The following CX3CL1 variants were observed in gnomAD, a reference collection of about 807,000 sequenced individuals.
The protein encoded by CX3CL1 is C-X3-C motif chemokine ligand 1.
Under a neutral mutation model 14.1 loss-of-function variants are expected in CX3CL1, and 1 was observed. The ratio of observed to expected loss-of-function variants is 0.07; its 90% confidence interval spans 0.03 to 0.34. The LOEUF is 0.34. Ranked by LOEUF, CX3CL1 falls within the 10% of genes least tolerant of loss-of-function variation. The pLI is 0.99. For missense variants in CX3CL1, 505 were observed against 536.4 expected, an observed-to-expected ratio of 0.94 and a Z score of 0.58; for synonymous variants, 255 against 229.6, an observed-to-expected ratio of 1.11 and a Z score of -1.00.
In CX3CL1 at chr16:57,382,134, A is replaced by G; in HGVS notation, c.296A>G (p.Asn99Ser). The G allele has an allele frequency of 6.2e-7, 1 of 1,614,016 alleles. No individual in the cohort carries two copies. The highest frequency in any genetic ancestry group is 1.3e-5 in the African/African-American group (1 of 75,026). ...LDRQAAALTR[N>S]GGTFEKQIGE... ...CGCCAGGCTGCTGCCCTAACTCGAA[A>G]TGGCGGCACCTTCGAGAAGCAGATC... The change falls in exon 3 of 3, where the codon AAT becomes AGT. Residue 99 changes from asparagine (N) to serine (S), a missense_variant. Physicochemically the swap from Asn to Ser is conservative, Grantham distance 46 (BLOSUM62 1). Coordinates refer to ENST00000006053, the MANE Select transcript of CX3CL1 (RefSeq NM_002996.6). This position sits in a 1 kb window ranked among gnomAD's most constrained non-coding sequence, Gnocchi z 6.9.
At chr16:57,372,841 C>G (rs1337380324) in intron 1 of CX3CL1, among the ~76,000 whole-genome samples, 1 of 152,186 alleles carries the variant, frequency 6.6e-6, no homozygotes, top group East Asian at 1.9e-4. Flanking sequence ...CAGTTGCCAG[C>G]GACCGCCCTG....
intron 1 of CX3CL1, among the ~76,000 whole-genome samples, chr16:57,375,332 A>G (rs1362060051): frequency 6.6e-6 from 1 of 152,068 alleles, no homozygotes; most frequent in African/African-American, 2.4e-5. Context: ...TTGCTCCCCT[A>G]TGGGCCATTT....
chr16:57,375,135 A>AT (rs1475833241), intron 1 of CX3CL1, among the ~76,000 whole-genome samples: 840 of 59,482 alleles, frequency 0.014, 13 homozygotes, highest in African/African-American at 0.045. Flanking sequence ...GTGAGAGTCC[A>AT]TTTAAAAAAA....
chr16:57,380,800 G>A (rs567443274), intron 2 of CX3CL1, among the ~76,000 whole-genome samples: 3 of 152,212 alleles, frequency 2.0e-5, no homozygotes, highest in African/African-American at 7.2e-5. Context: ...CCCCAGGACT[G>A]ACTTTTGGGA....
Position 57,372,600 on chromosome 16 carries a change from G to T in CX3CL1, c.32G>T (p.Arg11Leu), listed in dbSNP as rs146188225. Reference sequence around the variant, plus strand: ...CCGATATCTCTGTCGTGGCTGCTCCGCTTGGCCACCTTCTGCCATCTGACT... The same window carrying T: ...CCGATATCTCTGTCGTGGCTGCTCCTCTTGGCCACCTTCTGCCATCTGACT... MAPISLSWLL[R>L]LATFCHLTVL... Residue 11 changes from arginine (R) to leucine (L), a missense_variant, in exon 1 of 3, where the codon CGC (arginine) becomes CTC (leucine). Arg to Leu is a moderately radical substitution (Grantham distance 102). Transcript: ENST00000006053. The T allele has an allele frequency of 1.1e-5, 18 of 1,613,272 alleles. No homozygotes were observed. The highest frequency in any genetic ancestry group is 1.4e-5 in the Non-Finnish European group (17 of 1,179,986).
In CX3CL1 at chr16:57,382,223, C is replaced by A. The variant is rs1902332140; in HGVS notation, c.385C>A (p.Pro129Thr). ...AATGGACGAGTCTGTGGTCCTGGAG[C>A]CCGAAGCCACAGGCGAAAGCAGTAG... Reference protein sequence around the residue: ...GGMDESVVLEPEATGESSSLE... With the variant: ...GGMDESVVLETEATGESSSLE... Residue 129 changes from proline to threonine, a missense_variant, in exon 3 of 3, where the codon CCC (proline) becomes ACC (threonine). By Grantham distance (38) the Pro-to-Thr change is conservative. Coordinates refer to ENST00000006053, the MANE Select transcript of CX3CL1 (RefSeq NM_002996.6). The surrounding 1 kb of genome is among the most constrained non-coding windows in gnomAD (Gnocchi z 6.9). 2.5e-6 allele frequency: 4 copies of A among 1,612,586 alleles called. No individual in the cohort carries two copies. Among genetic ancestry groups the A allele is most frequent in the Non-Finnish European group, 3.4e-6 (4 of 1,179,312 alleles).
intron 2 of CX3CL1, 37 bp from the exon 3 acceptor site, chr16:57,381,993 C>T: frequency 2.0e-6 from 3 of 1,535,224 alleles, no homozygotes; most frequent in Middle Eastern, 1.9e-4. Context: ...TTTCTGGTAT[C>T]TGGGCATAAC....
At position 57,384,974 on chromosome 16, in the gene CX3CL1, CTT is replaced by C. The variant is rs1265117518; in HGVS notation, c.*1945_*1946del. 2 of 152,218 alleles carry C rather than the reference CTT, an allele frequency of 1.3e-5. No homozygotes were observed. Among genetic ancestry groups the C allele is most frequent in the African/African-American group, 2.4e-5 (1 of 41,464 alleles). 9.4% of individuals were successfully genotyped at this position (152,218 alleles called of 1,614,324 possible). On this transcript the variant is annotated 3_prime_UTR_variant, in exon 3 of 3. Coordinates refer to ENST00000006053, the MANE Select transcript of CX3CL1 (RefSeq NM_002996.6). ...AAAGAGTAGGAAGACTTTGGAAAGA[CTT>C]TTCCAACCCTCATCACCAACGTCTG...
rs145452135 is a variant in CX3CL1 at position 57,382,864 on chromosome 16, G to T, written c.1026G>T (p.Ala342=). ...PDAQAATRRQ[A]VGLLAFLGLL... is the part of the protein sequence containing the mutation. ...CCCAGGCTGCCACCCGGAGGCAGGC[G>T]GTGGGGCTGCTGGCCTTCCTTGGCC... is the stretch of plus-strand genomic sequence containing the variant. Residue 342 remains alanine, a synonymous_variant, in exon 3 of 3, where the codon GCG becomes GCT. Transcript: ENST00000006053. This position sits in a 1 kb window ranked among gnomAD's most constrained non-coding sequence, Gnocchi z 6.9. 1.9e-6 allele frequency: 3 copies of T among 1,561,002 alleles called. No homozygotes were observed. In the Admixed American group the frequency reaches 5.5e-5, roughly 29 times the overall value.
intron 2 of CX3CL1, among the ~76,000 whole-genome samples, chr16:57,381,095 C>T (rs1333078002): frequency 1.3e-5 from 2 of 152,204 alleles, no homozygotes; most frequent in Non-Finnish European, 2.9e-5. Context: ...GTCATACTTG[C>T]TTCCTGGACT....
chr16:57,380,650 C>A (rs1269058173), intron 2 of CX3CL1, among the ~76,000 whole-genome samples: 2 of 104,908 alleles, frequency 1.9e-5, no homozygotes, highest in Non-Finnish European at 5.0e-5. Context: ...ATTGGACAGA[C>A]AGGAAACGAC....
At chr16:57,379,863 C>A in intron 2 of CX3CL1, 109 bp downstream of exon 2, 1 of 1,324,838 alleles carries the variant, frequency 7.5e-7, no homozygotes, top group Non-Finnish European at 1.1e-6. Flanking sequence ...GGCTCCCAGC[C>A]AAAGGCCTCA....
intron 2 of CX3CL1, 92 bp from the exon 3 acceptor site, chr16:57,381,938 C>T: frequency 7.2e-7 from 1 of 1,381,358 alleles, no homozygotes. Flanking sequence ...GGTGTGTTCA[C>T]CTGCAGAGTA....
rs1361902976 is a variant in CX3CL1, at chr16:57,384,508, C to G, written c.*1476C>G. ...GGGTCCCTGGTGGCAGCTCACCTCTCCCTTGGATTGTCCCCGACCCTTGCC... is the reference window on the plus strand; with the variant it reads ...GGGTCCCTGGTGGCAGCTCACCTCTGCCTTGGATTGTCCCCGACCCTTGCC... On this transcript the variant is annotated 3_prime_UTR_variant, in exon 3 of 3. Transcript: ENST00000006053. The G allele has an allele frequency of 6.6e-6, 1 of 152,422 alleles. No individual in the cohort carries two copies. Among genetic ancestry groups the G allele is most frequent in the Non-Finnish European group, 1.5e-5 (1 of 68,222 alleles). 9.4% of individuals were successfully genotyped at this position (152,422 alleles called of 1,614,324 possible).
chr16:57,374,900 G>A (rs963053752), intron 1 of CX3CL1, among the ~76,000 whole-genome samples: 17 of 152,186 alleles, frequency 1.1e-4, no homozygotes, highest in African/African-American at 4.1e-4. Flanking sequence ...CAGCACATTG[G>A]GAGGCCAAGG....
chr16:57,382,696 C>G lies in CX3CL1; in HGVS notation c.858C>G (p.Val286=). The change falls in exon 3 of 3, where the codon GTC becomes GTG. Residue 286 remains valine (V), a synonymous_variant. Coordinates refer to ENST00000006053, the MANE Select transcript of CX3CL1 (RefSeq NM_002996.6). The surrounding 1 kb of genome is among the most constrained non-coding windows in gnomAD (Gnocchi z 6.9). The part of the protein sequence containing the change: ...QDWGPGSMAH[V]SVVPVSSEGT... ...GGGGGCCTGGCAGCATGGCCCACGT[C>G]TCTGTGGTCCCTGTCTCCTCAGAAG... 2 of 1,612,804 alleles carry G rather than the reference C, an allele frequency of 1.2e-6. 1 individual carries two copies. Among genetic ancestry groups the G allele is most frequent in the Middle Eastern group, 3.3e-4 (2 of 6,054 alleles).
intron 2 of CX3CL1, among the ~76,000 whole-genome samples, chr16:57,381,528 T>C (rs563766506): frequency 6.6e-6 from 1 of 152,032 alleles, no homozygotes; most frequent in Non-Finnish European, 1.5e-5. Context: ...GGAGGCCCCA[T>C]ACAGAGCTCA....
At chr16:57,381,229 A>C in intron 2 of CX3CL1, among the ~76,000 whole-genome samples, 1 of 152,176 alleles carries the variant, frequency 6.6e-6, no homozygotes. Flanking sequence ...TAAGGTTTAG[A>C]CATGGGCAAA....
At chr16:57,376,379 G>C (rs1008661050) in intron 1 of CX3CL1, among the ~76,000 whole-genome samples, 1 of 152,226 alleles carries the variant, frequency 6.6e-6, no homozygotes, top group Non-Finnish European at 1.5e-5. Flanking sequence ...AAGGATAAGA[G>C]GGCCTGAGAT....
Sources: allele counts gnomAD v4.1 joint callset (sites outside exome capture counted in the v4.1 genomes callset), GRCh38; gene constraint gnomAD v4.1.1; non-coding constraint Gnocchi (gnomAD v3.1); transcripts MANE v1.5; gene names NCBI Gene and HGNC (gene_info 2026-07-23, HGNC 2026-07-21).